CPQ: variants seen among roughly 807,000 people sequenced by gnomAD.
The protein encoded by CPQ is carboxypeptidase Q, also known as Ser-Met dipeptidase.
CPQ carries 37 observed loss-of-function variants against 45.7 expected under a neutral mutation model. That is an observed-to-expected ratio of 0.81 (90% confidence interval 0.62 to 1.07). The LOEUF (loss-of-function observed/expected upper bound fraction) is 1.07, where lower values mean the gene tolerates loss of function less well. CPQ is among the 50% of genes least tolerant of loss of function. The pLI, the probability that CPQ is intolerant of heterozygous loss-of-function variation, is 0.00. For synonymous variants in CPQ, 186 were observed against 205.8 expected (o/e 0.90, Z 0.82); for missense variants, 537 against 572.9 (o/e 0.94, Z 0.64).
chr8:96,907,519 G>A (rs1474789994), intron 4 of CPQ, among the ~76,000 whole-genome samples: 1 of 152,170 alleles, frequency 6.6e-6, no homozygotes, highest in Admixed American at 6.5e-5. Context: ...GTTGAAGAAC[G>A]GGAGAATGGG....
intron 4 of CPQ, among the ~76,000 whole-genome samples, chr8:96,905,760 C>CAAAAAA (rs747470074): frequency 1.1e-4 from 7 of 64,844 alleles, no homozygotes; most frequent in Non-Finnish European, 1.6e-4. Flanking sequence ...CTGTCTTAAC[C>CAAAAAA]AAAAAAAAAA....
chr8:96,711,046 A>G (rs543425416), intron 1 of CPQ, among the ~76,000 whole-genome samples: 1 of 152,186 alleles, frequency 6.6e-6, no homozygotes, highest in South Asian at 2.1e-4. Flanking sequence ...GTGCACATAT[A>G]TTTAGGATTA....
chr8:96,988,239 T>C (rs2130400153), intron 5 of CPQ, among the ~76,000 whole-genome samples: 1 of 152,330 alleles, frequency 6.6e-6, no homozygotes, highest in Non-Finnish European at 1.5e-5. Flanking sequence ...AAATAACCTT[T>C]TATCTTTCCT....
chr8:97,111,054 G>C (rs967297660), intron 7 of CPQ, among the ~76,000 whole-genome samples: 1 of 152,118 alleles, frequency 6.6e-6, no homozygotes, highest in Non-Finnish European at 1.5e-5. Flanking sequence ...TTGAAGCTGG[G>C]TAAATGAGCC....
At chr8:96,770,589 G>A (rs1383567354) in intron 1 of CPQ, among the ~76,000 whole-genome samples, 1 of 151,692 alleles carries the variant, frequency 6.6e-6, no homozygotes, top group Admixed American at 6.6e-5. Flanking sequence ...TAGGAGAGGT[G>A]AGCCTGGAAT....
At chr8:97,077,430 A>G (rs1263522085) in intron 7 of CPQ, among the ~76,000 whole-genome samples, 1 of 152,234 alleles carries the variant, frequency 6.6e-6, no homozygotes, top group Non-Finnish European at 1.5e-5. Flanking sequence ...GGAGGTAGCT[A>G]TGAAATTACT....
At chr8:96,705,310 A>G (rs888612129) in intron 1 of CPQ, among the ~76,000 whole-genome samples, 1 of 152,150 alleles carries the variant, frequency 6.6e-6, no homozygotes, top group Non-Finnish European at 1.5e-5. Context: ...TTGAAACCCT[A>G]GTGCCTAGCA....
chr8:97,008,250 T>A (rs1179998891), intron 5 of CPQ, among the ~76,000 whole-genome samples: 1 of 152,150 alleles, frequency 6.6e-6, no homozygotes, highest in African/African-American at 2.4e-5. Flanking sequence ...TACACAGAAA[T>A]AGATTTAAGC....
At chr8:96,912,034 A>G (rs1021933512) in intron 4 of CPQ, among the ~76,000 whole-genome samples, 1 of 152,154 alleles carries the variant, frequency 6.6e-6, no homozygotes, top group African/African-American at 2.4e-5. Context: ...TGGTGCTGTG[A>G]GGATCGGATG....
chr8:97,073,663 G>A (rs1187175838), intron 7 of CPQ, among the ~76,000 whole-genome samples: 1 of 152,176 alleles, frequency 6.6e-6, no homozygotes, highest in Non-Finnish European at 1.5e-5. Context: ...ACTGAGGAGA[G>A]AGGATGAAAA....
At chr8:97,046,706 A>ACTC in intron 6 of CPQ, among the ~76,000 whole-genome samples, 2 of 152,162 alleles carry the variant, frequency 1.3e-5, no homozygotes, top group South Asian at 4.2e-4. Context: ...GTTTCAGGCA[A>ACTC]CTCTCCAGGT....
intron 6 of CPQ, among the ~76,000 whole-genome samples, chr8:97,045,481 C>T (rs771084270): frequency 2.6e-4 from 40 of 152,190 alleles, no homozygotes; most frequent in Non-Finnish European, 5.0e-4. Context: ...TCGCGCACGA[C>T]GCACTGCACC....
chr8:97,093,538 C>G (rs191954836), intron 7 of CPQ, among the ~76,000 whole-genome samples: 141 of 152,170 alleles, frequency 9.3e-4, no homozygotes, highest in Non-Finnish European at 1.3e-3. Context: ...ATATATACCC[C>G]CTAAACCAAA....
rs181965349 is a variant in CPQ, at chr8:96,900,634, G to A, written c.849+20629G>A. Among the ~76,000 whole-genome samples, 298 of 152,210 alleles carry A rather than the reference G, an allele frequency of 2.0e-3. 1 individual carries two copies. The highest frequency in any genetic ancestry group is 6.7e-3 in the African/African-American group (277 of 41,532). On this transcript the variant is annotated intron_variant, in intron 4 of 7. Coordinates refer to ENST00000220763, the MANE Select transcript of CPQ (RefSeq NM_016134.4). ...TTATATTTATTTTTTATGCTTAAGG[G>A]TACATAGTGCTGCTTATAAATGATG...
chr8:96,658,948 A>G (rs1815668102), intron 1 of CPQ, among the ~76,000 whole-genome samples: 1 of 152,246 alleles, frequency 6.6e-6, no homozygotes, highest in Admixed American at 6.5e-5. Context: ...AAGAACTGCA[A>G]AATAATAAAT....
At chr8:96,815,913 C>T (rs564029761) in intron 2 of CPQ, among the ~76,000 whole-genome samples, 13 of 152,198 alleles carry the variant, frequency 8.5e-5, no homozygotes, top group African/African-American at 3.1e-4. Flanking sequence ...GCTAAAAATG[C>T]TAACTGTCAT....
intron 4 of CPQ, among the ~76,000 whole-genome samples, chr8:96,926,962 T>C (rs1812900295): frequency 6.6e-6 from 1 of 152,152 alleles, no homozygotes; most frequent in African/African-American, 2.4e-5. Flanking sequence ...GCTGCCACAT[T>C]TCTGACATAA....
chr8:96,849,245 C>A (rs892982713), intron 3 of CPQ, among the ~76,000 whole-genome samples: 1 of 152,148 alleles, frequency 6.6e-6, no homozygotes, highest in African/African-American at 2.4e-5. Context: ...TGAACCTATT[C>A]TTGATAGGAG....
chr8:96,973,169 G>A (rs970565291), intron 5 of CPQ, among the ~76,000 whole-genome samples: 3 of 151,896 alleles, frequency 2.0e-5, no homozygotes, highest in Admixed American at 2.0e-4. Flanking sequence ...CAGTGAAATA[G>A]ACAGCATAAA....
Sources: allele counts gnomAD v4.1 joint callset (sites outside exome capture counted in the v4.1 genomes callset), GRCh38; gene constraint gnomAD v4.1.1; transcripts MANE v1.5; gene names NCBI Gene and HGNC (gene_info 2026-07-23, HGNC 2026-07-21).